Variants in STK33 observed in about 807,000 individuals in gnomAD.
STK33 encodes the protein serine/threonine-protein kinase 33.
In STK33, 52 loss-of-function variants were observed where a neutral mutation model predicts 58.0. The observed-to-expected ratio is 0.90, with a 90% confidence interval of 0.72 to 1.13. The LOEUF (loss-of-function observed/expected upper bound fraction) is 1.13. Among genes scored for constraint, STK33 ranks in the 50% most tolerant of loss-of-function variants. The pLI is 0.00. For missense variants in STK33, 630 were observed against 604.2 expected (o/e 1.04, Z -0.45); for synonymous variants, 215 against 200.1 (o/e 1.07, Z -0.63).
At chr11:8,485,296 T>C (rs1050570379) in intron 1 of STK33, among the ~76,000 whole-genome samples, 1 of 152,218 alleles carries the variant, frequency 6.6e-6, no homozygotes, top group African/African-American at 2.4e-5. Flanking sequence ...TAAGTGATTC[T>C]CTTTTCATGT....
chr11:8,465,886 G>A (rs1433798949), intron 6 of STK33: 1 of 152,748 alleles, frequency 6.5e-6, no homozygotes, highest in African/African-American at 2.4e-5. Flanking sequence ...CACATGACTG[G>A]GGAAGCTTCA....
chr11:8,353,125 C>T, the STK33 span, among the ~76,000 whole-genome samples: 50 of 152,194 alleles, frequency 3.3e-4, no homozygotes, highest in Admixed American at 2.4e-3. Flanking sequence ...AGAAACCCCA[C>T]GAGAGGTTCT....
chr11:8,519,540 C>T (rs1459756264), intron 1 of STK33, among the ~76,000 whole-genome samples: 2 of 152,040 alleles, frequency 1.3e-5, no homozygotes, highest in Non-Finnish European at 2.9e-5. Flanking sequence ...TCAAAAAAAT[C>T]AATGAATCCA....
intron 1 of STK33, among the ~76,000 whole-genome samples, chr11:8,550,982 G>C (rs973626047): frequency 7.9e-5 from 12 of 152,038 alleles, no homozygotes; most frequent in African/African-American, 2.9e-4. Context: ...CCCAAGACTG[G>C]AAGAAAAAGA....
chr11:8,546,735 C>G (rs1955948244), intron 1 of STK33, among the ~76,000 whole-genome samples: 1 of 152,074 alleles, frequency 6.6e-6, no homozygotes, highest in Non-Finnish European at 1.5e-5. Context: ...ACCTCCAGTT[C>G]CACCCAAGTT....
intron 1 of STK33, among the ~76,000 whole-genome samples, chr11:8,551,867 G>C (rs1428568050): frequency 6.6e-6 from 1 of 152,128 alleles, no homozygotes; most frequent in East Asian, 1.9e-4. Flanking sequence ...AATGCAGCTA[G>C]GTATTCCAGC....
At chr11:8,473,909 AT>A (rs1949020711) in intron 5 of STK33, among the ~76,000 whole-genome samples, 1 of 152,212 alleles carries the variant, frequency 6.6e-6, no homozygotes. Flanking sequence ...ACGGTGGCTC[AT>A]GCCTGTAATC....
intron 9 of STK33, among the ~76,000 whole-genome samples, chr11:8,456,374 C>T (rs988924918): frequency 2.6e-5 from 4 of 152,220 alleles, no homozygotes; most frequent in African/African-American, 9.6e-5. Flanking sequence ...TGGCTTTCCA[C>T]TGGGGAGATT....
At chr11:8,493,120 A>G (rs918607002) in intron 1 of STK33, among the ~76,000 whole-genome samples, 1 of 152,334 alleles carries the variant, frequency 6.6e-6, no homozygotes. Flanking sequence ...AAGGAGATAG[A>G]GACACAAAAA....
At chr11:8,436,303 T>G (rs565605011) in intron 12 of STK33, among the ~76,000 whole-genome samples, 164 bp from the exon 13 acceptor site, 109 of 152,286 alleles carry the variant, frequency 7.2e-4, no homozygotes, top group African/African-American at 2.5e-3. Context: ...CAACAGGGTT[T>G]TCCAAGATCA....
chr11:8,531,955 A>G (rs1308433620), intron 1 of STK33, among the ~76,000 whole-genome samples: 1 of 152,246 alleles, frequency 6.6e-6, no homozygotes, highest in African/African-American at 2.4e-5. Context: ...ATGCCACAGA[A>G]GAGATAAGAA....
chr11:8,476,322 A>G (rs1949268584), intron 4 of STK33, among the ~76,000 whole-genome samples: 1 of 152,272 alleles, frequency 6.6e-6, no homozygotes, highest in African/African-American at 2.4e-5. Context: ...GGATAAAAAT[A>G]TACTAAGTGT....
intron 12 of STK33, among the ~76,000 whole-genome samples, chr11:8,440,011 G>T (rs1397762523): frequency 6.6e-6 from 1 of 151,152 alleles, no homozygotes; most frequent in Non-Finnish European, 1.5e-5. Flanking sequence ...ACCAGAAGTA[G>T]GGAGAACAGT....
chr11:8,558,781 A>G (rs1432517760), intron 1 of STK33, among the ~76,000 whole-genome samples: 2 of 152,186 alleles, frequency 1.3e-5, no homozygotes, highest in Non-Finnish European at 1.5e-5. Context: ...AATCATGGAT[A>G]ACACAAACAT....
At chr11:8,356,870 A>G in the STK33 span, among the ~76,000 whole-genome samples, 4 of 152,154 alleles carry the variant, frequency 2.6e-5, no homozygotes, top group East Asian at 7.7e-4. Context: ...ATGACCCCCA[A>G]TGCCAGGGGA....
intron 1 of STK33, among the ~76,000 whole-genome samples, chr11:8,569,636 T>C (rs1194822623): frequency 6.6e-6 from 1 of 152,116 alleles, no homozygotes; most frequent in Non-Finnish European, 1.5e-5. Flanking sequence ...ATGTAAGACT[T>C]CTACTCCTCA....
the STK33 span, among the ~76,000 whole-genome samples, chr11:8,348,167 G>A: frequency 6.6e-6 from 1 of 152,186 alleles, no homozygotes; most frequent in Non-Finnish European, 1.5e-5. Context: ...TAGTGGCTCA[G>A]ATCCCTCCAC....
intron 1 of STK33, among the ~76,000 whole-genome samples, chr11:8,563,166 G>C (rs1591810089): frequency 6.6e-6 from 1 of 152,170 alleles, no homozygotes; most frequent in East Asian, 1.9e-4. Flanking sequence ...GCCTTCCTTG[G>C]GCATACAACC....
intron 1 of STK33, among the ~76,000 whole-genome samples, chr11:8,517,621 T>G (rs186135340): frequency 1.1e-4 from 16 of 152,178 alleles, no homozygotes; most frequent in African/African-American, 3.6e-4. Context: ...CTAACTAGAA[T>G]AAACAGTGCA....
Sources: gnomAD v4.1 joint callset for allele counts (sites outside exome capture counted in the v4.1 genomes callset) on GRCh38, gnomAD v4.1.1 for gene constraint, MANE v1.5 for transcripts, NCBI Gene and HGNC (gene_info 2026-07-23, HGNC 2026-07-21) for gene names.